The following DYSF variants were observed in gnomAD, a reference collection of about 807,000 sequenced individuals.
DYSF encodes the protein dystrophy-associated fer-1-like 1.
Under a neutral mutation model 274.9 loss-of-function variants are expected in DYSF, and 212 were observed. The ratio of observed to expected loss-of-function variants is 0.77; its 90% confidence interval spans 0.69 to 0.86. The LOEUF is 0.86. Ranked by LOEUF, DYSF falls within the 40% of genes least tolerant of loss-of-function variation. The probability of loss-of-function intolerance (pLI) is 0.00; values close to 1 mark genes in which losing one functional copy is unlikely to be tolerated. For synonymous variants in DYSF, 1,091 were observed against 1,078.7 expected (o/e 1.01, Z -0.22); for missense variants, 2,666 against 2,783.2 (o/e 0.96, Z 0.95).
chr2:71,598,487 C>A (rs2093460369), intron 32 of DYSF, 77 bp from the exon 33 acceptor site: 2 of 1,557,444 alleles, frequency 1.3e-6, no homozygotes, highest in East Asian at 4.6e-5. Context: ...CTTTGTGGCC[C>A]CACATGGCTC....
chr2:71,515,175 A>T (rs1329379233), intron 7 of DYSF, among the ~76,000 whole-genome samples: 1 of 152,236 alleles, frequency 6.6e-6, no homozygotes, highest in Non-Finnish European at 1.5e-5. Context: ...ATTTCTCAGA[A>T]TGTAAGAAAG....
upstream of DYSF, chr2:71,466,556 A>T (rs1489711459): frequency 2.1e-6 from 2 of 938,708 alleles, no homozygotes; most frequent in East Asian, 4.3e-5. Context: ...GGAGCTAGGG[A>T]CCAGCACCCC....
intron 1 of DYSF, among the ~76,000 whole-genome samples, chr2:71,478,273 G>A (rs1181123056): frequency 6.7e-6 from 1 of 149,876 alleles, no homozygotes; most frequent in Non-Finnish European, 1.5e-5. Context: ...GTGCAGTGGT[G>A]CCATCTCGGC....
intron 3 of DYSF, among the ~76,000 whole-genome samples, chr2:71,493,680 C>T (rs199892147): frequency 2.0e-5 from 3 of 151,762 alleles, no homozygotes; most frequent in Non-Finnish European, 2.9e-5. Context: ...GGTGAAACCC[C>T]GTCACTACTC....
chr2:71,466,631 G>A, upstream of DYSF: 8 of 1,292,734 alleles, frequency 6.2e-6, no homozygotes, highest in Non-Finnish European at 7.9e-6. Context: ...CTGGGTAGGG[G>A]CCGGAGGGGG....
At chr2:71,534,874 T>A in intron 14 of DYSF, 147 bp from the exon 15 acceptor site, 1 of 760,888 alleles carries the variant, frequency 1.3e-6, no homozygotes, top group Non-Finnish European at 2.3e-6. Context: ...ATGAACCCCC[T>A]GCACTAGGCC....
At chr2:71,557,900 C>T (rs193028216) in intron 22 of DYSF, among the ~76,000 whole-genome samples, 258 of 152,008 alleles carry the variant, frequency 1.7e-3, no homozygotes, top group Admixed American at 6.4e-3. Flanking sequence ...TGTGTGGTGG[C>T]GGGTGCCTGT....
chr2:71,646,450 T>C (rs1321098724), intron 42 of DYSF, among the ~76,000 whole-genome samples: 3 of 152,188 alleles, frequency 2.0e-5, no homozygotes, highest in African/African-American at 7.2e-5. Flanking sequence ...AAACTATTTC[T>C]GGGGGGAAAA....
At chr2:71,480,842 CG>C in intron 1 of DYSF, 40 bp from the exon 2 acceptor site, 1 of 1,582,744 alleles carries the variant, frequency 6.3e-7, no homozygotes, top group East Asian at 2.2e-5. Flanking sequence ...AGGTGAAAGG[CG>C]GGATGTGTCT....
At chr2:71,686,079 C>T (rs2095353064) in intron 55 of DYSF, among the ~76,000 whole-genome samples, 1 of 152,136 alleles carries the variant, frequency 6.6e-6, no homozygotes, top group South Asian at 2.1e-4. Context: ...GAGGCCAGGT[C>T]CAGGGTGCTC....
chr2:71,610,687 A>G (rs140683885), intron 36 of DYSF: 2 of 173,324 alleles, frequency 1.2e-5, no homozygotes, highest in East Asian at 2.9e-4. Flanking sequence ...TCTGGCTCAC[A>G]ATGCAAGTAT....
At chr2:71,545,975 T>C (rs541041167) in intron 17 of DYSF, among the ~76,000 whole-genome samples, 1 of 152,380 alleles carries the variant, frequency 6.6e-6, no homozygotes, top group South Asian at 2.1e-4. Flanking sequence ...AGAATCTTCT[T>C]GCAACCAGCT....
intron 17 of DYSF, among the ~76,000 whole-genome samples, chr2:71,546,097 T>G (rs115789906): frequency 0.013 from 2,046 of 152,372 alleles, 18 homozygotes; most frequent in Middle Eastern, 0.031. Context: ...TGCCGACCCG[T>G]TCCTGCAGAG....
intron 40 of DYSF, among the ~76,000 whole-genome samples, chr2:71,618,823 G>A (rs1418856840): frequency 2.0e-5 from 3 of 151,796 alleles, no homozygotes; most frequent in African/African-American, 7.3e-5. Flanking sequence ...GACAGGCCTG[G>A]CCTGCTAGTG....
chr2:71,475,403 C>T lies in DYSF; in HGVS notation c.92-5480C>T, dbSNP rs138109159. ...TGTGAGTAAGGCATGGTGTTTGCCGCCAGAAACTCCCAGCCCAGTTGGGGG... is the reference window on the plus strand; with the variant it reads ...TGTGAGTAAGGCATGGTGTTTGCCGTCAGAAACTCCCAGCCCAGTTGGGGG... On this transcript the variant is annotated intron_variant, in intron 1 of 55. Transcript: ENST00000410020. Among the ~76,000 whole-genome samples the T allele has an allele frequency of 9.8e-5, 15 of 152,334 alleles. No individual in the cohort carries two copies. The East Asian group carries it at 1.7e-3, about 18-fold the overall frequency.
chr2:71,539,674 G>C lies in DYSF; in HGVS notation c.1576+435G>C, dbSNP rs567064181. ...AAAATTTACCTGAAATTACCCATAA[G>C]CCCACCCCTCCGGACAAGAACTATT... On this transcript the variant is annotated intron_variant, in intron 17 of 55. Transcript: ENST00000410020. Among the ~76,000 whole-genome samples the C allele has an allele frequency of 1.4e-3, 214 of 152,200 alleles. 1 individual carries two copies. Among genetic ancestry groups the C allele is most frequent in the Non-Finnish European group, 1.6e-3 (112 of 68,014 alleles).
intron 46 of DYSF, 123 bp from the exon 47 acceptor site, chr2:71,665,039 C>A: frequency 6.8e-7 from 1 of 1,475,822 alleles, no homozygotes; most frequent in Non-Finnish European, 9.4e-7. Flanking sequence ...TCAGATGGGA[C>A]ACCCACTGTA....
chr2:71,618,591 GT>G (rs2094001089), intron 40 of DYSF, among the ~76,000 whole-genome samples: 1 of 57,432 alleles, frequency 1.7e-5, no homozygotes, highest in African/African-American at 4.2e-5. Context: ...AGTTGTGTGT[GT>G]GTGGTAGAGG....
intron 45 of DYSF, among the ~76,000 whole-genome samples, chr2:71,661,129 A>G (rs2094872989): frequency 1.3e-5 from 2 of 151,398 alleles, no homozygotes; most frequent in African/African-American, 2.4e-5. Context: ...AAAAAAAAAA[A>G]AAAAAAAAGA....
Sources: allele counts gnomAD v4.1 joint callset (sites outside exome capture counted in the v4.1 genomes callset), GRCh38; gene constraint gnomAD v4.1.1; transcripts MANE v1.5; gene names NCBI Gene and HGNC (gene_info 2026-07-23, HGNC 2026-07-21).